CBLB: variants seen among roughly 807,000 people sequenced by gnomAD.
CBLB encodes the protein Cbl proto-oncogene B.
In CBLB, 31 loss-of-function variants were observed where a neutral mutation model predicts 104.9. The observed-to-expected ratio is 0.30, with a 90% CI of 0.22 to 0.40. The LOEUF is 0.40. Ranked by LOEUF, CBLB falls within the 10% of genes least tolerant of loss-of-function variation. The pLI, the probability that CBLB is intolerant of heterozygous loss-of-function variation, is 1.00. For missense variants in CBLB, 1,062 were observed against 1,214.6 expected, an observed-to-expected ratio of 0.87 and a Z score of 1.87; for synonymous variants, 440 against 422.6, an observed-to-expected ratio of 1.04 and a Z score of -0.51.
chr3:105,780,653 G>GTGTTTTTT (rs2080089476), intron 3 of CBLB, among the ~76,000 whole-genome samples: 1 of 84,692 alleles, frequency 1.2e-5, no homozygotes, highest in African/African-American at 3.9e-5. Flanking sequence ...TAAAAGTTTT[G>GTGTTTTTT]TTTTTTGTTT....
rs533533711 is a variant in CBLB at position 105,713,701 on chromosome 3, G to A, written c.1407+6346C>T. 2.6e-5 allele frequency among the ~76,000 whole-genome samples: 4 copies of A among 152,286 alleles called. No individual in the cohort carries two copies. In the East Asian group the frequency reaches 7.7e-4, roughly 29 times the overall value. On this transcript the variant is annotated intron_variant, in intron 10 of 18. Transcript: ENST00000394030. ...AAAATACCACTATTTTGCACGAAGA[G>A]CTTTTAGAAGATCAGTAAACAGAGT... is the stretch of plus-strand genomic sequence containing the variant.
chr3:105,799,241 G>A (rs1273440416), intron 3 of CBLB, among the ~76,000 whole-genome samples: 1 of 147,030 alleles, frequency 6.8e-6, no homozygotes, highest in Non-Finnish European at 1.5e-5. Flanking sequence ...AAAACATTAA[G>A]AGGGTATTAT....
chr3:105,861,663 C>G (rs1184336686), intron 2 of CBLB, among the ~76,000 whole-genome samples: 1 of 150,020 alleles, frequency 6.7e-6, no homozygotes, highest in African/African-American at 2.5e-5. Context: ...CTTTGAACCT[C>G]TCCTATGGTG....
At chr3:105,684,378 A>T (rs1021129817) in intron 14 of CBLB, among the ~76,000 whole-genome samples, 6 of 152,250 alleles carry the variant, frequency 3.9e-5, no homozygotes, top group African/African-American at 7.2e-5. Flanking sequence ...AAATTCAATA[A>T]TATAAATGCA....
chr3:105,724,706 G>C (rs1250686028), intron 9 of CBLB, among the ~76,000 whole-genome samples: 1 of 152,006 alleles, frequency 6.6e-6, no homozygotes, highest in East Asian at 1.9e-4. Flanking sequence ...TAAACCTGCA[G>C]AATTATCAAT....
At chr3:105,842,562 G>C (rs2089704013) in intron 3 of CBLB, among the ~76,000 whole-genome samples, 1 of 152,176 alleles carries the variant, frequency 6.6e-6, no homozygotes, top group African/African-American at 2.4e-5. Flanking sequence ...AACCTGGAGT[G>C]ACCCAGTGGC....
intron 10 of CBLB, among the ~76,000 whole-genome samples, chr3:105,715,585 C>T (rs2071738335): frequency 6.6e-6 from 1 of 151,912 alleles, no homozygotes; most frequent in East Asian, 1.9e-4. Flanking sequence ...ATGCTGAAGA[C>T]AGGAAGAAAC....
At chr3:105,824,533 A>G (rs1485669386) in intron 3 of CBLB, among the ~76,000 whole-genome samples, 1 of 152,100 alleles carries the variant, frequency 6.6e-6, no homozygotes, top group Non-Finnish European at 1.5e-5. Context: ...AGGGCTGTGG[A>G]GTAGAGTCAG....
intron 17 of CBLB, chr3:105,671,116 G>C (rs1482792577): frequency 1.1e-5 from 2 of 189,512 alleles, no homozygotes; most frequent in African/African-American, 4.7e-5. Context: ...TGTCAGTGTT[G>C]CTGTATTAAA....
At chr3:105,705,376 T>A (rs1227528082) in intron 10 of CBLB, among the ~76,000 whole-genome samples, 1 of 152,200 alleles carries the variant, frequency 6.6e-6, no homozygotes, top group Non-Finnish European at 1.5e-5. Flanking sequence ...TTATACCCAA[T>A]GTCCTTTTTC....
intron 10 of CBLB, among the ~76,000 whole-genome samples, chr3:105,706,269 T>C (rs958955432): frequency 1.3e-5 from 2 of 152,208 alleles, no homozygotes; most frequent in Non-Finnish European, 2.9e-5. Flanking sequence ...AATAACAAAA[T>C]CATTCAACAA....
chr3:105,772,842 C>A (rs2079017034), intron 4 of CBLB, among the ~76,000 whole-genome samples: 1 of 152,082 alleles, frequency 6.6e-6, no homozygotes, highest in African/African-American at 2.4e-5. Context: ...GCAACAATGA[C>A]CATAATTAAA....
At chr3:105,771,631 A>G (rs2078886598) in intron 4 of CBLB, among the ~76,000 whole-genome samples, 1 of 152,164 alleles carries the variant, frequency 6.6e-6, no homozygotes, top group Admixed American at 6.5e-5. Context: ...ATACCTAGAA[A>G]AGCCTCAAGA....
At chr3:105,741,692 G>A (rs2075606974) in intron 6 of CBLB, among the ~76,000 whole-genome samples, 1 of 151,760 alleles carries the variant, frequency 6.6e-6, no homozygotes, top group African/African-American at 2.4e-5. Flanking sequence ...ACCGCGCCTG[G>A]CCAATTTTTT....
chr3:105,868,187 G>T lies in CBLB; in HGVS notation c.-15+549C>A, dbSNP rs937016067. The T allele has an allele frequency of 7.3e-6, 9 of 1,229,364 alleles. No homozygotes were observed. The African/African-American group carries it at 1.4e-4, about 19-fold the overall frequency. 76.2% of individuals were successfully genotyped at this position (1,229,364 alleles called of 1,614,324 possible). A position where few individuals can be genotyped will look rare whatever the true frequency, so the allele number is the denominator to read the frequency against. ...CGAACACCTTTCTTTAAATCAACGCGGTGAGTCGTTATTCCCAAGAACCAA... is the reference window on the plus strand; with the variant it reads ...CGAACACCTTTCTTTAAATCAACGCTGTGAGTCGTTATTCCCAAGAACCAA... On this transcript the variant is annotated intron_variant, in intron 1 of 18. Transcript: ENST00000394030.
intron 3 of CBLB, among the ~76,000 whole-genome samples, chr3:105,835,518 T>G (rs750801249): frequency 1.2e-4 from 19 of 152,208 alleles, no homozygotes; most frequent in Non-Finnish European, 2.6e-4. Flanking sequence ...GATTTAAAAT[T>G]AAACAGAAAA....
At chr3:105,758,628 T>G (rs1351976201) in intron 4 of CBLB, among the ~76,000 whole-genome samples, 1 of 152,190 alleles carries the variant, frequency 6.6e-6, no homozygotes, top group Non-Finnish European at 1.5e-5. Flanking sequence ...CAGCAAGTGG[T>G]GCATGAACAA....
intron 6 of CBLB, among the ~76,000 whole-genome samples, chr3:105,742,439 G>C (rs1412257373): frequency 6.6e-6 from 1 of 151,864 alleles, no homozygotes; most frequent in Admixed American, 6.6e-5. Flanking sequence ...ACTTTATATT[G>C]GTGATAGAAT....
intron 3 of CBLB, among the ~76,000 whole-genome samples, chr3:105,788,330 C>T (rs142291014): frequency 6.6e-5 from 10 of 151,788 alleles, no homozygotes; most frequent in Non-Finnish European, 8.8e-5. Context: ...TATATTACAA[C>T]GGTGAAAAGC....
Sources: gnomAD v4.1 joint callset for allele counts (sites outside exome capture counted in the v4.1 genomes callset) on GRCh38, gnomAD v4.1.1 for gene constraint, MANE v1.5 for transcripts, NCBI Gene and HGNC (gene_info 2026-07-23, HGNC 2026-07-21) for gene names.